Variants in SLC12A7 observed in about 807,000 individuals in gnomAD.
SLC12A7 encodes the protein K-Cl cotransporter 4.
Under a neutral mutation model 120.6 loss-of-function variants are expected in SLC12A7, and 100 were observed. The ratio of observed to expected loss-of-function variants is 0.83; its 90% CI spans 0.71 to 0.98. The LOEUF is 0.98. Among genes scored for constraint, SLC12A7 ranks in the 50% least tolerant of loss-of-function variants. SLC12A7 has a pLI of 0.00. For missense variants in SLC12A7, 1,373 were observed against 1,548.1 expected (o/e 0.89, Z 1.90); for synonymous variants, 760 against 678.0 (o/e 1.12, Z -1.88).
chr5:1,131,969 G>A, the SLC12A7 span, among the ~76,000 whole-genome samples: 38 of 152,210 alleles, frequency 2.5e-4, no homozygotes, highest in African/African-American at 4.3e-4. Context: ...GGCTGGGTCT[G>A]ATGAGGCTGA....
chr5:1,082,677 CT>C (rs1739316733), intron 8 of SLC12A7, among the ~76,000 whole-genome samples: 1 of 145,882 alleles, frequency 6.9e-6, no homozygotes, highest in African/African-American at 2.6e-5. Context: ...GGCTTCCTCT[CT>C]AGGGTTCTGG....
At chr5:1,069,065 C>T (rs1431564890) in intron 17 of SLC12A7, among the ~76,000 whole-genome samples, 1 of 152,242 alleles carries the variant, frequency 6.6e-6, no homozygotes, top group Non-Finnish European at 1.5e-5. Flanking sequence ...TACCTAAATC[C>T]ACGGGTTCAC....
chr5:1,153,264 G>A, the SLC12A7 span, among the ~76,000 whole-genome samples: 1 of 152,218 alleles, frequency 6.6e-6, no homozygotes, highest in Non-Finnish European at 1.5e-5. Flanking sequence ...CCCCAAAGAG[G>A]AGATGAGGTG....
intron 7 of SLC12A7, among the ~76,000 whole-genome samples, chr5:1,084,565 A>G (rs7722436): frequency 0.9 from 137,531 of 152,294 alleles, 63,701 homozygotes; most frequent in East Asian, 1. Context: ...CGTAGCGTCA[A>G]GCATCGGCAG....
the SLC12A7 span, among the ~76,000 whole-genome samples, chr5:1,149,940 G>C: frequency 2.6e-5 from 4 of 152,160 alleles, no homozygotes; most frequent in South Asian, 8.3e-4. Context: ...TGAGGCAGGA[G>C]AATCGCTTGA....
chr5:1,063,969 T>C lies in SLC12A7; in HGVS notation c.2614A>G (p.Arg872Gly). The C allele has an allele frequency of 6.2e-7, 1 of 1,612,262 alleles. No homozygotes were observed. ...PFLLRQHKVWRKCRMRIFTVA... is the reference protein window; with the variant it reads ...PFLLRQHKVWGKCRMRIFTVA... Reference sequence around the variant, plus strand: ...GTGAAGATACGCATCCGGCACTTCCTCCACACCTGCAGACAGGGAGGGCAT... The same window carrying C: ...GTGAAGATACGCATCCGGCACTTCCCCCACACCTGCAGACAGGGAGGGCAT... The change falls in exon 20 of 24, where the codon AGG (arginine) becomes GGG (glycine). Residue 872 changes from arginine (R) to glycine (G), a missense_variant. Arg to Gly is a moderately radical substitution (Grantham distance 125). Coordinates refer to ENST00000264930, the MANE Select transcript of SLC12A7 (RefSeq NM_006598.3).
chr5:1,118,830 G>A, the SLC12A7 span, among the ~76,000 whole-genome samples: 13 of 152,134 alleles, frequency 8.5e-5, no homozygotes, highest in Non-Finnish European at 4.4e-5. Flanking sequence ...GTTGTTTCTG[G>A]TGGCTTCTTC....
chr5:1,126,612 A>G, the SLC12A7 span, among the ~76,000 whole-genome samples: 1 of 152,132 alleles, frequency 6.6e-6, no homozygotes, highest in African/African-American at 2.4e-5. Context: ...CCCATTAGTT[A>G]TCTTTCCTGA....
intron 7 of SLC12A7, among the ~76,000 whole-genome samples, chr5:1,084,954 C>A (rs115325689): frequency 1.3e-5 from 2 of 152,230 alleles, no homozygotes; most frequent in African/African-American, 2.4e-5. Context: ...TCAGGGCCAC[C>A]GGCCACCCCT....
chr5:1,060,801 G>A (rs1469057079), intron 20 of SLC12A7, among the ~76,000 whole-genome samples: 1 of 152,166 alleles, frequency 6.6e-6, no homozygotes, highest in Non-Finnish European at 1.5e-5. Context: ...ACGCTCACAG[G>A]TGTCATTGTC....
At chr5:1,149,347 T>C in the SLC12A7 span, among the ~76,000 whole-genome samples, 8 of 152,048 alleles carry the variant, frequency 5.3e-5, no homozygotes, top group African/African-American at 1.7e-4. Context: ...GAGGCCAAGG[T>C]GGGCAGATCA....
At chr5:1,100,632 G>C (rs924393244) in intron 1 of SLC12A7, among the ~76,000 whole-genome samples, 1 of 152,216 alleles carries the variant, frequency 6.6e-6, no homozygotes, top group African/African-American at 2.4e-5. Context: ...TGCTGTTGAC[G>C]CGTGTGCCCA....
At chr5:1,118,747 G>A in the SLC12A7 span, among the ~76,000 whole-genome samples, 1 of 152,210 alleles carries the variant, frequency 6.6e-6, no homozygotes, top group Non-Finnish European at 1.5e-5. Flanking sequence ...ACAGTGTGGG[G>A]GACCCAGACA....
intron 1 of SLC12A7, among the ~76,000 whole-genome samples, chr5:1,103,066 C>T (rs922060458): frequency 2.6e-5 from 4 of 152,180 alleles, no homozygotes; most frequent in Admixed American, 1.3e-4. Flanking sequence ...CTGCCCCTCA[C>T]AGTTTGTGCT....
At chr5:1,073,965 G>C (rs1262318500) in intron 16 of SLC12A7, among the ~76,000 whole-genome samples, 164 bp from the exon 17 acceptor site, 1 of 152,160 alleles carries the variant, frequency 6.6e-6, no homozygotes, top group Non-Finnish European at 1.5e-5. Flanking sequence ...GATGGGATGG[G>C]GAAACGTGAC....
chr5:1,057,080 G>A (rs1735699204), intron 22 of SLC12A7: 1 of 179,652 alleles, frequency 5.6e-6, no homozygotes, highest in Non-Finnish European at 1.1e-5. Context: ...CAGGTACCAG[G>A]AGGACTGCTC....
the SLC12A7 span, among the ~76,000 whole-genome samples, chr5:1,137,697 C>T: frequency 6.6e-6 from 1 of 152,358 alleles, no homozygotes; most frequent in African/African-American, 2.4e-5. Flanking sequence ...CACATCTGGG[C>T]GATTCGGGGC....
chr5:1,130,175 A>G, the SLC12A7 span, among the ~76,000 whole-genome samples: 1 of 152,250 alleles, frequency 6.6e-6, no homozygotes, highest in Non-Finnish European at 1.5e-5. Context: ...ACCCCCATCA[A>G]GCAGCCTCCC....
At chr5:1,105,291 C>T (rs571238334) in intron 1 of SLC12A7, among the ~76,000 whole-genome samples, 2 of 149,142 alleles carry the variant, frequency 1.3e-5, no homozygotes, top group South Asian at 4.3e-4. Flanking sequence ...GTCCTGCAGT[C>T]ACCCACCAGT....
Sources: allele counts gnomAD v4.1 joint callset (sites outside exome capture counted in the v4.1 genomes callset), GRCh38; gene constraint gnomAD v4.1.1; transcripts MANE v1.5; gene names NCBI Gene and HGNC (gene_info 2026-07-23, HGNC 2026-07-21).